The following COTL1 variants were observed in gnomAD, a reference collection of about 807,000 sequenced individuals.
COTL1 encodes the protein coactosin like F-actin binding protein 1, also known as coactosin-like protein.
In COTL1, 15 loss-of-function variants were observed where a neutral mutation model predicts 16.5. The ratio of observed to expected loss-of-function variants is 0.91; its 90% CI spans 0.61 to 1.40. COTL1 has a LOEUF of 1.40. Ranked by LOEUF, COTL1 falls within the 40% of genes most tolerant of loss-of-function variation. The pLI, the probability that COTL1 is intolerant of heterozygous loss-of-function variation, is 0.00. For synonymous variants in COTL1, 112 were observed against 85.3 expected (o/e 1.31, Z -1.73); for missense variants, 220 against 201.5 (o/e 1.09, Z -0.56).
At chr16:84,605,106 C>A (rs1278757349) in intron 2 of COTL1, among the ~76,000 whole-genome samples, 1 of 152,008 alleles carries the variant, frequency 6.6e-6, no homozygotes, top group East Asian at 1.9e-4. Flanking sequence ...CTCTAAACAA[C>A]AGTGGCCTCT....
At chr16:84,617,419 C>T (rs1407878190) in intron 2 of COTL1, 82 bp downstream of exon 2, 1 of 1,359,250 alleles carries the variant, frequency 7.4e-7, no homozygotes, top group South Asian at 1.2e-5. Context: ...CGGTTCCTCC[C>T]GGGTTCGCTC....
chr16:84,603,954 C>T (rs77152938), intron 2 of COTL1, among the ~76,000 whole-genome samples: 17,014 of 137,908 alleles, frequency 0.12, 1,708 homozygotes, highest in South Asian at 0.25. Context: ...CACCTCCCCC[C>T]ACTTTCTACC....
intron 2 of COTL1, among the ~76,000 whole-genome samples, chr16:84,601,939 C>T (rs940997930): frequency 6.6e-6 from 1 of 152,182 alleles, no homozygotes; most frequent in African/African-American, 2.4e-5. Context: ...CACCACAAGC[C>T]AGAAGGGCAT....
chr16:84,591,901 T>C (rs1904879084), intron 2 of COTL1, among the ~76,000 whole-genome samples: 2 of 144,290 alleles, frequency 1.4e-5, no homozygotes, highest in South Asian at 2.1e-4. Flanking sequence ...TGCATGTGTA[T>C]GTGTGCATTG....
At chr16:84,581,517 T>TGTG (rs1270427196) in intron 3 of COTL1, among the ~76,000 whole-genome samples, 1 of 151,964 alleles carries the variant, frequency 6.6e-6, no homozygotes, top group Non-Finnish European at 1.5e-5. Context: ...TTGTTGTTGT[T>TGTG]GTTGAGATGG....
chr16:84,593,556 G>C (rs1410350436), intron 2 of COTL1, among the ~76,000 whole-genome samples: 1 of 150,304 alleles, frequency 6.7e-6, no homozygotes, highest in Non-Finnish European at 1.5e-5. Context: ...CCGTCGCCCA[G>C]GCTGGAGTGC....
chr16:84,574,235 G>A (rs1216798831), intron 3 of COTL1, among the ~76,000 whole-genome samples: 4 of 152,150 alleles, frequency 2.6e-5, no homozygotes, highest in African/African-American at 7.2e-5. Context: ...GCAACTTCCC[G>A]GCAGGGCCCT....
At chr16:84,588,409 A>T (rs527597133) in intron 3 of COTL1, among the ~76,000 whole-genome samples, 4 of 152,196 alleles carry the variant, frequency 2.6e-5, no homozygotes, top group African/African-American at 9.7e-5. Context: ...GGTACATTAC[A>T]ATTAATTAAA....
chr16:84,571,513 C>A (rs892901441), intron 3 of COTL1, among the ~76,000 whole-genome samples: 1 of 152,174 alleles, frequency 6.6e-6, no homozygotes, highest in African/African-American at 2.4e-5. Flanking sequence ...GCTCATCTCT[C>A]CCCCCTGCCC....
At chr16:84,579,125 G>A (rs58516854) in intron 3 of COTL1, among the ~76,000 whole-genome samples, 30,439 of 152,192 alleles carry the variant, frequency 0.2, 3,537 homozygotes, top group Non-Finnish European at 0.27. Context: ...ACAGAGGTGT[G>A]CACACACACA....
intron 3 of COTL1, among the ~76,000 whole-genome samples, chr16:84,588,397 T>C (rs148991262): frequency 5.2e-4 from 79 of 152,332 alleles, no homozygotes; most frequent in African/African-American, 1.2e-3. Context: ...AACGTCAACA[T>C]TGGTACATTA....
At chr16:84,597,125 C>A (rs535207539) in intron 2 of COTL1, among the ~76,000 whole-genome samples, 1 of 152,334 alleles carries the variant, frequency 6.6e-6, no homozygotes, top group South Asian at 2.1e-4. Flanking sequence ...CTTTCTGCAT[C>A]CAGCTCTGGG....
chr16:84,582,760 T>A (rs748767108), intron 3 of COTL1, among the ~76,000 whole-genome samples: 9 of 140,774 alleles, frequency 6.4e-5, no homozygotes, highest in Non-Finnish European at 1.3e-4. Flanking sequence ...CCAACCACTC[T>A]GTGAAATTTT....
intron 3 of COTL1, among the ~76,000 whole-genome samples, chr16:84,571,900 G>C (rs568392978): frequency 1.5e-4 from 23 of 152,310 alleles, no homozygotes; most frequent in African/African-American, 5.3e-4. Flanking sequence ...CCGCATGGAG[G>C]GGGTACTAGC....
intron 3 of COTL1, among the ~76,000 whole-genome samples, chr16:84,574,724 C>T (rs978186118): frequency 6.6e-6 from 1 of 152,096 alleles, no homozygotes; most frequent in Non-Finnish European, 1.5e-5. Context: ...GCTGGGATTA[C>T]AGACAACCAC....
intron 2 of COTL1, chr16:84,595,894 A>G (rs1305403449): frequency 1.3e-5 from 2 of 151,808 alleles, no homozygotes; most frequent in African/African-American, 2.4e-5. Flanking sequence ...TGTGTTATAT[A>G]TACATGTATG....
intron 2 of COTL1, among the ~76,000 whole-genome samples, chr16:84,604,895 T>C (rs1905181680): frequency 6.6e-6 from 1 of 152,252 alleles, no homozygotes; most frequent in African/African-American, 2.4e-5. Flanking sequence ...CGTAGAATTC[T>C]AGCCAGAAAC....
At chr16:84,568,668 G>A (rs149309370) in intron 3 of COTL1, 3 of 152,290 alleles carry the variant, frequency 2.0e-5, no homozygotes, top group East Asian at 1.9e-4. Context: ...TGATAGAGAC[G>A]TTCTAAAATT....
In COTL1 at chr16:84,617,942, C is replaced by A. The variant is rs756752414; in HGVS notation, c.-28G>T. ...CCGCGGAGCCGCAGCGGGACACTGT[C>A]CGGGGCGGCCGAGCGCGCCCCTGGC... On this transcript the variant is annotated 5_prime_UTR_variant, in exon 1 of 4. Transcript: ENST00000262428. 22 of 1,512,526 alleles carry A rather than the reference C, an allele frequency of 1.5e-5. No homozygotes were observed. In the South Asian group the frequency reaches 2.7e-4, roughly 19 times the overall value. The allele number at this position is 1,512,526 out of a possible 1,614,324, so 93.7% of individuals were successfully genotyped here. A position where few individuals can be genotyped will look rare whatever the true frequency, so the allele number is the denominator to read the frequency against.
Sources: allele counts gnomAD v4.1 joint callset (sites outside exome capture counted in the v4.1 genomes callset), GRCh38; gene constraint gnomAD v4.1.1; transcripts MANE v1.5; gene names NCBI Gene and HGNC (gene_info 2026-07-23, HGNC 2026-07-21).